The following XRN1 variants were observed in gnomAD, a reference collection of about 807,000 sequenced individuals.
XRN1 encodes the protein strand-exchange protein 1 homolog.
In XRN1, 67 loss-of-function variants were observed where a neutral mutation model predicts 222.3. The observed-to-expected ratio is 0.30, with a 90% CI of 0.25 to 0.37. XRN1 has a LOEUF of 0.37. Ranked by LOEUF, XRN1 falls within the 10% of genes least tolerant of loss-of-function variation. The pLI is 1.00. For synonymous variants in XRN1, 643 were observed against 652.4 expected, an observed-to-expected ratio of 0.99 and a Z score of 0.22; for missense variants, 1,707 against 2,000.2, an observed-to-expected ratio of 0.85 and a Z score of 2.80.
At chr3:142,423,340 A>G (rs911116268) in intron 6 of XRN1, among the ~76,000 whole-genome samples, 1 of 152,208 alleles carries the variant, frequency 6.6e-6, no homozygotes, top group Non-Finnish European at 1.5e-5. Context: ...TGAATCAAAG[A>G]TCTAACCATA....
At chr3:142,366,536 G>C (rs1294430237) in intron 27 of XRN1, among the ~76,000 whole-genome samples, 1 of 152,150 alleles carries the variant, frequency 6.6e-6, no homozygotes. Context: ...CTAGTTGAGG[G>C]AGATATACAA....
chr3:142,311,996 A>C (rs1467655901), intron 40 of XRN1, among the ~76,000 whole-genome samples, 183 bp from the exon 41 acceptor site: 1 of 152,132 alleles, frequency 6.6e-6, no homozygotes, highest in Non-Finnish European at 1.5e-5. Context: ...AAAATATTTA[A>C]AATTCTTGGG....
At chr3:142,422,504 T>A (rs1442188927) in intron 8 of XRN1, 78 bp downstream of exon 8, 6 of 1,449,130 alleles carry the variant, frequency 4.1e-6, no homozygotes, top group Non-Finnish European at 5.7e-6. Flanking sequence ...TGCAATAATC[T>A]ACTAAACTAA....
intron 25 of XRN1, among the ~76,000 whole-genome samples, chr3:142,374,263 A>G (rs1490482714): frequency 1.3e-5 from 2 of 152,204 alleles, no homozygotes; most frequent in African/African-American, 4.8e-5. Flanking sequence ...CTGAATAATG[A>G]GAGCTGCACA....
chr3:142,334,427 C>G (rs2065790543), intron 34 of XRN1, among the ~76,000 whole-genome samples: 1 of 151,746 alleles, frequency 6.6e-6, no homozygotes, highest in South Asian at 2.1e-4. Context: ...AAGTACACAT[C>G]TAATAAATAT....
Position 142,375,411 on chromosome 3 carries a change from T to C in XRN1, c.2978+387A>G, listed in dbSNP as rs2067113429. Among the ~76,000 whole-genome samples, 10 of 152,328 alleles carry C rather than the reference T, an allele frequency of 6.6e-5. 2 individuals are homozygous for C. In the South Asian group the frequency reaches 2.1e-3, roughly 32 times the overall value. ...TAATTTCAGCAATAAAATTCAATAA[T>C]TCTAAGATAGTAACCTGTATAGCTA... On this transcript the variant is annotated intron_variant, in intron 25 of 40. Transcript: ENST00000392981.
chr3:142,417,737 C>G (rs2068840334), intron 12 of XRN1: 2 of 152,220 alleles, frequency 1.3e-5, no homozygotes, highest in African/African-American at 4.8e-5. Flanking sequence ...CAAATGCCAT[C>G]TTCTAAGTTT....
chr3:142,336,250 T>G (rs887061909), intron 33 of XRN1, among the ~76,000 whole-genome samples: 3 of 151,866 alleles, frequency 2.0e-5, no homozygotes, highest in African/African-American at 7.3e-5. Context: ...GGGCATGAGG[T>G]AGATATGAAG....
chr3:142,344,136 A>G (rs953909898), intron 33 of XRN1, among the ~76,000 whole-genome samples: 2 of 152,110 alleles, frequency 1.3e-5, no homozygotes, highest in Non-Finnish European at 2.9e-5. Flanking sequence ...TAGCAGGTAC[A>G]AAAAAATAGA....
intron 1 of XRN1, among the ~76,000 whole-genome samples, chr3:142,444,595 C>G (rs1049530092): frequency 1.3e-5 from 2 of 151,862 alleles, no homozygotes; most frequent in African/African-American, 4.8e-5. Context: ...GGTGACAGAG[C>G]GCGACCTTGT....
intron 25 of XRN1, among the ~76,000 whole-genome samples, chr3:142,375,223 T>G (rs1290574154): frequency 6.6e-6 from 1 of 152,168 alleles, no homozygotes; most frequent in Non-Finnish European, 1.5e-5. Flanking sequence ...AATAAAGAGA[T>G]CTTCAAATAT....
intron 37 of XRN1, among the ~76,000 whole-genome samples, chr3:142,323,089 G>A (rs949004940): frequency 6.6e-6 from 1 of 152,078 alleles, no homozygotes; most frequent in African/African-American, 2.4e-5. Context: ...TGAGTTGTTG[G>A]GCTTACAGGT....
intron 27 of XRN1, among the ~76,000 whole-genome samples, chr3:142,367,103 C>A (rs1426999381): frequency 6.6e-6 from 1 of 152,198 alleles, no homozygotes; most frequent in African/African-American, 2.4e-5. Flanking sequence ...GCCTGACCAA[C>A]ATGGAGAAAC....
In XRN1 at chr3:142,423,648, G is replaced by C. The variant is rs2069129840; in HGVS notation, c.628-6C>G. The C allele has an allele frequency of 1.3e-6, 2 of 1,555,516 alleles. No individual in the cohort carries two copies. Among genetic ancestry groups the C allele is most frequent in the Non-Finnish European group, 1.7e-6 (2 of 1,155,508 alleles). On this transcript the variant is annotated splice_polypyrimidine_tract_variant and splice_region_variant and intron_variant, in intron 5 of 40. Coordinates refer to ENST00000392981, the MANE Select transcript of XRN1 (RefSeq NM_001282857.2). ...CTTGTTAATCCAAGCATAATCTGTTGAAAAATGATTAAGAAATGTTTTTAT... is the reference window on the plus strand; with the variant it reads ...CTTGTTAATCCAAGCATAATCTGTTCAAAAATGATTAAGAAATGTTTTTAT...
chr3:142,387,599 T>G (rs568342046), intron 20 of XRN1, among the ~76,000 whole-genome samples: 1 of 152,334 alleles, frequency 6.6e-6, no homozygotes, highest in East Asian at 1.9e-4. Context: ...ACCAAAGTTA[T>G]GTTTACACTG....
intron 32 of XRN1, 45 bp from the exon 33 acceptor site, chr3:142,347,387 T>C (rs867360859): frequency 1.2e-5 from 14 of 1,171,950 alleles, no homozygotes; most frequent in Middle Eastern, 5.7e-4. Flanking sequence ...CTTAATATTA[T>C]AACTACTTCT....
chr3:142,314,642 T>C (rs988282165), intron 39 of XRN1, among the ~76,000 whole-genome samples: 3 of 152,066 alleles, frequency 2.0e-5, no homozygotes, highest in Non-Finnish European at 2.9e-5. Flanking sequence ...CAGTGGCTCA[T>C]GCCTGTAATC....
At chr3:142,392,570 C>T (rs372043442) in intron 20 of XRN1, among the ~76,000 whole-genome samples, 9 of 151,794 alleles carry the variant, frequency 5.9e-5, no homozygotes, top group South Asian at 4.2e-4. Flanking sequence ...TGAGAATATG[C>T]GGTGTTTGGT....
chr3:142,334,635 A>G (rs867853382), intron 34 of XRN1, among the ~76,000 whole-genome samples: 1 of 151,302 alleles, frequency 6.6e-6, no homozygotes, highest in Admixed American at 6.6e-5. Context: ...ATGTAAATAT[A>G]TATTTCTATG....
Sources: gnomAD v4.1 joint callset for allele counts (sites outside exome capture counted in the v4.1 genomes callset) on GRCh38, gnomAD v4.1.1 for gene constraint, MANE v1.5 for transcripts, NCBI Gene and HGNC (gene_info 2026-07-23, HGNC 2026-07-21) for gene names.